CCSER1: variants seen among roughly 807,000 people sequenced by gnomAD.
CCSER1 encodes the protein coiled-coil serine rich protein 1.
A neutral mutation model predicts 82.0 loss-of-function variants in CCSER1; 41 were observed. The ratio of observed to expected loss-of-function variants is 0.50; its 90% confidence interval spans 0.39 to 0.65. The LOEUF (loss-of-function observed/expected upper bound fraction) is 0.65, where lower values mean the gene tolerates loss of function less well. Ranked by LOEUF, CCSER1 falls within the 30% of genes least tolerant of loss-of-function variation. The probability of loss-of-function intolerance (pLI) is 0.00; values close to 1 mark genes in which losing one functional copy is unlikely to be tolerated. For synonymous variants in CCSER1, 414 were observed against 383.9 expected (o/e 1.08, Z -0.92); for missense variants, 1,119 against 1,064.2 (o/e 1.05, Z -0.72).
rs570837475 is a variant in CCSER1 at position 90,628,327 on chromosome 4, A to G, written c.1932+95A>G. The G allele has an allele frequency of 8.7e-6, 8 of 922,496 alleles. No homozygotes were observed. In the East Asian group the frequency reaches 1.3e-4, roughly 14 times the overall value. The allele number at this position is 922,496 out of a possible 1,614,324, so 57.1% of individuals were successfully genotyped here. A position where few individuals can be genotyped will look rare whatever the true frequency, so the allele number is the denominator to read the frequency against. On this transcript the variant is annotated intron_variant, in intron 6 of 10. Coordinates refer to ENST00000509176, the MANE Select transcript of CCSER1 (RefSeq NM_001145065.2). ...CCCTGCTCTGTCAGTAATTAACTAC[A>G]TGACATTGGGCAGGGGTCAGGTTTC...
chr4:90,911,448 G>C (rs1406590469), intron 8 of CCSER1: 1 of 375,744 alleles, frequency 2.7e-6, no homozygotes, highest in African/African-American at 2.1e-5. Flanking sequence ...CAATCCCTAT[G>C]ATTCTCTCTG....
chr4:90,842,367 C>T (rs868741479), intron 8 of CCSER1, among the ~76,000 whole-genome samples: 1 of 152,046 alleles, frequency 6.6e-6, no homozygotes, highest in African/African-American at 2.4e-5. Context: ...CTATCTGTTG[C>T]TGTTGAAATT....
intron 9 of CCSER1, among the ~76,000 whole-genome samples, chr4:91,022,951 T>G (rs1278061350): frequency 6.6e-6 from 1 of 152,210 alleles, no homozygotes; most frequent in African/African-American, 2.4e-5. Flanking sequence ...TTTCTCCCAT[T>G]CTGTAGGTTG....
At chr4:90,199,354 A>G (rs1488567760) in intron 1 of CCSER1, among the ~76,000 whole-genome samples, 1 of 152,184 alleles carries the variant, frequency 6.6e-6, no homozygotes. Context: ...CTCTAAATGA[A>G]GAACATGTAC....
chr4:91,552,132 TGTGCTCAGATG>T (rs1762188298), intron 10 of CCSER1, among the ~76,000 whole-genome samples: 1 of 150,528 alleles, frequency 6.6e-6, no homozygotes, highest in South Asian at 2.1e-4. Flanking sequence ...AATTCAAGTA[TGTGCTCAGATG>T]GCTAAACTAC....
intron 5 of CCSER1, among the ~76,000 whole-genome samples, chr4:90,524,709 C>T (rs148531223): frequency 1.0e-3 from 156 of 152,152 alleles, no homozygotes; most frequent in Middle Eastern, 3.4e-3. Context: ...CCTCATGATC[C>T]GTCTGCCTCG....
chr4:90,867,930 T>G (rs1765945705), intron 8 of CCSER1, among the ~76,000 whole-genome samples: 1 of 152,100 alleles, frequency 6.6e-6, no homozygotes. Flanking sequence ...TAACATTGTT[T>G]TTAATCTATT....
At chr4:91,381,112 A>C (rs537500795) in intron 10 of CCSER1, among the ~76,000 whole-genome samples, 2 of 152,222 alleles carry the variant, frequency 1.3e-5, no homozygotes, top group Non-Finnish European at 2.9e-5. Flanking sequence ...CTGCCATGAG[A>C]TCCGCCATTA....
chr4:90,341,462 A>C (rs1741371333), intron 3 of CCSER1, among the ~76,000 whole-genome samples: 1 of 152,110 alleles, frequency 6.6e-6, no homozygotes, highest in African/African-American at 2.4e-5. Context: ...TTTTTTAAAT[A>C]TAATATCCTT....
rs753900192 is a variant in CCSER1 at position 91,245,685 on chromosome 4, G to GTA, written c.2217+159703_2217+159704dup. On this transcript the variant is annotated intron_variant, in intron 10 of 10. Coordinates refer to ENST00000509176, the MANE Select transcript of CCSER1 (RefSeq NM_001145065.2). The stretch of plus-strand genomic sequence containing the variant: ...CTGAAAGAAAACTATATATACACGT[G>GTA]TATATATATATATTTTGTTTGTTTG... Among the ~76,000 whole-genome samples, 290 of 151,664 alleles carry GTA rather than the reference G, an allele frequency of 1.9e-3. 1 individual carries two copies. Among genetic ancestry groups the GTA allele is most frequent in the Admixed American group, 3.1e-3 (47 of 15,198 alleles).
intron 9 of CCSER1, among the ~76,000 whole-genome samples, chr4:91,079,118 C>A (rs779225658): frequency 1.3e-5 from 2 of 152,100 alleles, no homozygotes; most frequent in Admixed American, 6.5e-5. Flanking sequence ...ATCCAAGACA[C>A]ATAATTTTCA....
At chr4:91,467,705 A>G (rs184742766) in intron 10 of CCSER1, among the ~76,000 whole-genome samples, 1,980 of 152,348 alleles carry the variant, frequency 0.013, 22 homozygotes, top group Non-Finnish European at 0.02. Flanking sequence ...ATGAACAGAC[A>G]CTTCTCAAAA....
chr4:91,227,059 G>A (rs551992978), intron 10 of CCSER1, among the ~76,000 whole-genome samples: 11 of 151,882 alleles, frequency 7.2e-5, no homozygotes, highest in East Asian at 3.9e-4. Flanking sequence ...TCATTATTAC[G>A]TAATATATAG....
chr4:91,553,629 T>G (rs1209987737), intron 10 of CCSER1, among the ~76,000 whole-genome samples: 1 of 151,126 alleles, frequency 6.6e-6, no homozygotes, highest in Non-Finnish European at 1.5e-5. Context: ...GTTTTTGTAT[T>G]TCTGCATGAA....
At chr4:91,588,174 CTT>C (rs1202053879) in intron 10 of CCSER1, among the ~76,000 whole-genome samples, 1 of 150,974 alleles carries the variant, frequency 6.6e-6, no homozygotes, top group African/African-American at 2.4e-5. Context: ...TCTGTTTTCT[CTT>C]TGTTAGCAGA....
At chr4:90,954,824 A>G (rs1733267472) in intron 9 of CCSER1, among the ~76,000 whole-genome samples, 1 of 152,064 alleles carries the variant, frequency 6.6e-6, no homozygotes, top group Non-Finnish European at 1.5e-5. Context: ...AAAATGGTTG[A>G]TTTTGGTTAA....
intron 10 of CCSER1, among the ~76,000 whole-genome samples, chr4:91,523,632 T>A (rs1397977901): frequency 6.6e-6 from 1 of 152,218 alleles, no homozygotes; most frequent in East Asian, 1.9e-4. Context: ...AATTTATCCT[T>A]TTCTTTTAGA....
chr4:90,506,024 A>C (rs1339544347), intron 5 of CCSER1, among the ~76,000 whole-genome samples: 1 of 152,292 alleles, frequency 6.6e-6, no homozygotes, highest in Middle Eastern at 3.4e-3. Flanking sequence ...TTCTATTTGC[A>C]TGTCTGTTTA....
intron 5 of CCSER1, among the ~76,000 whole-genome samples, chr4:90,489,866 G>C (rs1320308146): frequency 1.3e-5 from 2 of 152,056 alleles, no homozygotes; most frequent in African/African-American, 4.8e-5. Context: ...CATTTTTATG[G>C]CTGCATAGTA....
Sources: gnomAD v4.1 joint callset for allele counts (sites outside exome capture counted in the v4.1 genomes callset) on GRCh38, gnomAD v4.1.1 for gene constraint, MANE v1.5 for transcripts, NCBI Gene and HGNC (gene_info 2026-07-23, HGNC 2026-07-21) for gene names.